MYH7B: variants seen among roughly 807,000 people sequenced by gnomAD.
The protein encoded by MYH7B is myosin-7B.
In MYH7B, 205 loss-of-function variants were observed where a neutral mutation model predicts 234.5. The ratio of observed to expected loss-of-function variants is 0.87; its 90% CI spans 0.78 to 0.98. MYH7B has a LOEUF of 0.98. Among genes scored for constraint, MYH7B ranks in the 50% least tolerant of loss-of-function variants. MYH7B has a pLI of 0.00. For missense variants in MYH7B, 2,652 were observed against 2,633.4 expected (o/e 1.01, Z -0.15); for synonymous variants, 1,193 against 1,105.0 (o/e 1.08, Z -1.58).
intron 23 of MYH7B, 37 bp downstream of exon 23, chr20:34,990,862 G>A (rs745364342): frequency 1.9e-6 from 3 of 1,609,796 alleles, no homozygotes; most frequent in Middle Eastern, 1.6e-4. Context: ...GGGCCGGGAG[G>A]CATCATGGGA....
At chr20:34,977,571 G>A (rs535668869) in intron 3 of MYH7B, 61 bp from the exon 4 acceptor site, 1 of 1,517,794 alleles carries the variant, frequency 6.6e-7, no homozygotes, top group South Asian at 1.2e-5. Flanking sequence ...CTGTGGCCAG[G>A]CTGGGGGGGC....
chr20:34,984,787 G>T, intron 11 of MYH7B, 67 bp from the exon 12 acceptor site: 1 of 1,601,126 alleles, frequency 6.2e-7, no homozygotes. Flanking sequence ...GAGGGGCCAC[G>T]GGTGGCTCTG....
intron 13 of MYH7B, among the ~76,000 whole-genome samples, chr20:34,985,442 G>A (rs1035579871): frequency 1.3e-5 from 2 of 152,118 alleles, no homozygotes; most frequent in Non-Finnish European, 2.9e-5. Context: ...TCAGGCTCCT[G>A]TGACTGCACC....
At chr20:34,960,515 G>A (rs544157571) in intron 2 of MYH7B, among the ~76,000 whole-genome samples, 3 of 152,336 alleles carry the variant, frequency 2.0e-5, no homozygotes, top group South Asian at 4.1e-4. Context: ...GATTACAGGC[G>A]GGAGCCACCG....
At chr20:34,993,276 G>A in intron 25 of MYH7B, 51 bp downstream of exon 25, 1 of 1,613,982 alleles carries the variant, frequency 6.2e-7, no homozygotes, top group Non-Finnish European at 8.5e-7. Flanking sequence ...GGTCACACTG[G>A]GCAGGGTTCA....
At chr20:34,994,097 G>A in intron 26 of MYH7B, 49 bp from the exon 27 acceptor site, 1 of 1,594,896 alleles carries the variant, frequency 6.3e-7, no homozygotes, top group South Asian at 1.1e-5. Context: ...GTCACCATTT[G>A]TGACGGGCAG....
chr20:34,977,670 G>A lies in MYH7B; in HGVS notation c.-83G>A, dbSNP rs761419451. On this transcript the variant is annotated 5_prime_UTR_variant, in exon 4 of 45. The change creates a new upstream start codon in the 5' untranslated region. Coordinates refer to ENST00000262873, the Ensembl canonical transcript of MYH7B. ...GGTAGCAGAGCTTCCTGCCCTCACC[G>A]TGGTGCCGAGGTAGGTGATCAGGGC... 19 of 1,580,810 alleles carry A rather than the reference G, an allele frequency of 1.2e-5. No homozygotes were observed. The highest frequency in any genetic ancestry group is 1.7e-4 in the Middle Eastern group (1 of 6,050).
rs2082392909 is a variant in MYH7B, at chr20:35,001,831, G to A, written c.5677-117G>A. 5 of 1,455,434 alleles carry A rather than the reference G, an allele frequency of 3.4e-6. No homozygotes were observed. The South Asian group carries it at 6.7e-5, about 19-fold the overall frequency. The allele number at this position is 1,455,434 out of a possible 1,614,324, so 90.2% of individuals were successfully genotyped here. Reference sequence around the variant, plus strand: ...GTGGTATTGGTGAGGATGGACAGTGGCAATAGGAACAAAGTTGAGAACCAG... The same window carrying A: ...GTGGTATTGGTGAGGATGGACAGTGACAATAGGAACAAAGTTGAGAACCAG... On this transcript the variant is annotated intron_variant, in intron 43 of 44. Coordinates refer to ENST00000262873, the Ensembl canonical transcript of MYH7B.
At chr20:34,984,220 G>A (rs994251646) in intron 10 of MYH7B, among the ~76,000 whole-genome samples, 2 of 152,260 alleles carry the variant, frequency 1.3e-5, no homozygotes, top group Admixed American at 1.3e-4. Context: ...ACACCCAGTT[G>A]CATTACAAAG....
At chr20:34,994,477 G>A (rs1600460697) in intron 27 of MYH7B, 76 bp downstream of exon 27, 1 of 1,455,086 alleles carries the variant, frequency 6.9e-7, no homozygotes, top group African/African-American at 1.4e-5. Flanking sequence ...ATAGTACAGC[G>A]AGACCCATGG....
chr20:34,999,795 C>T lies in MYH7B; in HGVS notation c.4670C>T (p.Ala1557Val), dbSNP rs764771249. The T allele has an allele frequency of 6.9e-5, 108 of 1,560,864 alleles. No homozygotes were observed. Among genetic ancestry groups the T allele is most frequent in the Non-Finnish European group, 9.0e-5 (103 of 1,146,246 alleles). ...CTGCCTGCTCTGTATCCACAGGGGG[C>T]CCTGGAGCTGGAGGAGACCAAGACG... The change falls in exon 38 of 45, where the codon GCC (alanine) becomes GTC (valine). Residue 1557 changes from alanine (A) to valine (V), a missense_variant. Coordinates refer to ENST00000262873, the Ensembl canonical transcript of MYH7B.
chr20:35,001,098 G>A, exon 41 of MYH7B: 1 of 1,613,864 alleles, frequency 6.2e-7, no homozygotes, highest in Non-Finnish European at 8.5e-7. Flanking sequence ...CCCGCCTTGA[G>A]GAGGCAGAAC....
At position 34,983,288 on chromosome 20, in the gene MYH7B, CTTTTCTTTTCTTTTTT is replaced by C. The variant is rs745646321; in HGVS notation, c.624+738_624+753del. Among the ~76,000 whole-genome samples the C allele has an allele frequency of 4.0e-3, 254 of 64,090 alleles. No homozygotes were observed. The East Asian group carries it at 0.079, about 20-fold the overall frequency. 42.0% of individuals were successfully genotyped at this position (64,090 alleles called of 152,430 possible). A position where few individuals can be genotyped will look rare whatever the true frequency, so the allele number is the denominator to read the frequency against. On this transcript the variant is annotated intron_variant, in intron 10 of 44. Coordinates refer to ENST00000262873, the Ensembl canonical transcript of MYH7B. ...TTTCTCTTTCTTTTTTCTTTCTTTT[CTTTTCTTTTCTTTTTT>C]TTTTTTTTTTTTTGCCTTTTCCTTT...
chr20:34,991,168 G>C (rs757722766), intron 24 of MYH7B, 47 bp downstream of exon 24: 1 of 1,395,880 alleles, frequency 7.2e-7, no homozygotes. Context: ...GGAGGCCTGA[G>C]GGGCTGGGCA....
intron 26 of MYH7B, 108 bp downstream of exon 26, chr20:34,993,578 C>T (rs1260020542): frequency 6.2e-6 from 8 of 1,286,376 alleles, no homozygotes; most frequent in Non-Finnish European, 7.3e-6. Context: ...AGATCAGCCC[C>T]TGTGGCTGGT....
chr20:34,963,329 C>T (rs2081715274), intron 2 of MYH7B, among the ~76,000 whole-genome samples: 1 of 152,208 alleles, frequency 6.6e-6, no homozygotes, highest in Non-Finnish European at 1.5e-5. Context: ...TTGCATTTTC[C>T]TAATGACAAA....
In MYH7B at chr20:34,999,414, T is replaced by C. The variant is rs1337985488; in HGVS notation, c.4540+9T>C. 6.6e-7 allele frequency: 1 copy of C among 1,509,730 alleles called. No homozygotes were observed. The highest frequency in any genetic ancestry group is 1.3e-5 in the South Asian group (1 of 74,624). 93.5% of individuals were successfully genotyped at this position (1,509,730 alleles called of 1,614,324 possible). On this transcript the variant is annotated intron_variant, in intron 36 of 44. Coordinates refer to ENST00000262873, the Ensembl canonical transcript of MYH7B. ...GAACAAGAACCTGCAGGGTAGGACC[T>C]GCCACACGCCAGGGCCAGGGTGCTG...
chr20:34,993,594 CA>C (rs1235122086), intron 26 of MYH7B, 124 bp downstream of exon 26: 1 of 1,154,760 alleles, frequency 8.7e-7, no homozygotes, highest in Non-Finnish European at 1.2e-6. Flanking sequence ...CTGGTTGGGG[CA>C]AGGTTCTGTT....
intron 2 of MYH7B, among the ~76,000 whole-genome samples, chr20:34,962,769 A>C (rs925910826): frequency 6.6e-6 from 1 of 152,168 alleles, no homozygotes; most frequent in Non-Finnish European, 1.5e-5. Context: ...CTGAGACTAC[A>C]AGCGAGAGCC....
Sources: gnomAD v4.1 joint callset for allele counts (sites outside exome capture counted in the v4.1 genomes callset) on GRCh38, gnomAD v4.1.1 for gene constraint, MANE v1.5 for transcripts, NCBI Gene and HGNC (gene_info 2026-07-23, HGNC 2026-07-21) for gene names.